Variants in CACNB4 observed in about 807,000 individuals in gnomAD.
CACNB4 encodes voltage-dependent L-type calcium channel subunit beta-4.
A neutral mutation model predicts 71.2 loss-of-function variants in CACNB4; 32 were observed. That is an observed-to-expected ratio of 0.45 (90% CI 0.34 to 0.60). The LOEUF is 0.60. CACNB4 is among the 20% of genes least tolerant of loss of function. The pLI, the probability that CACNB4 is intolerant of heterozygous loss-of-function variation, is 0.01. For synonymous variants in CACNB4, 231 were observed against 236.9 expected (o/e 0.97, Z 0.23); for missense variants, 464 against 647.9 (o/e 0.72, Z 3.08).
chr2:151,875,567 C>T (rs1466393482), intron 5 of CACNB4, among the ~76,000 whole-genome samples: 10 of 150,512 alleles, frequency 6.6e-5, no homozygotes, highest in Middle Eastern at 3.4e-3. Context: ...CCAGTAGGGG[C>T]GGCCGGGCAG....
intron 2 of CACNB4, among the ~76,000 whole-genome samples, chr2:152,026,350 A>T (rs1189328548): frequency 6.7e-6 from 1 of 149,612 alleles, no homozygotes; most frequent in Non-Finnish European, 1.5e-5. Flanking sequence ...ATTAATAAAA[A>T]CCCTCTCTGG....
At chr2:152,015,201 C>T (rs936086456) in intron 2 of CACNB4, among the ~76,000 whole-genome samples, 4 of 152,062 alleles carry the variant, frequency 2.6e-5, no homozygotes, top group Non-Finnish European at 5.9e-5. Context: ...GGCACGATCT[C>T]GGCTCACCGC....
intron 12 of CACNB4, among the ~76,000 whole-genome samples, chr2:151,844,049 C>T (rs1164873852): frequency 6.6e-6 from 1 of 152,102 alleles, no homozygotes; most frequent in Non-Finnish European, 1.5e-5. Context: ...GTAGAAAATT[C>T]CCCCCAACCA....
At position 151,845,865 on chromosome 2, in the gene CACNB4, C is replaced by CA. The variant is rs113596962; in HGVS notation, c.1117-3778dup. On this transcript the variant is annotated intron_variant, in intron 12 of 13. Coordinates refer to ENST00000539935, the MANE Select transcript of CACNB4 (RefSeq NM_000726.5). Reference sequence around the variant, plus strand: ...GAATAGGGGAATCAAAACAAACCATCAAAAAAATCAGGCACATTAGGCCCC... The same window carrying CA: ...GAATAGGGGAATCAAAACAAACCATCAAAAAAAATCAGGCACATTAGGCCCC... 6.7e-3 allele frequency among the ~76,000 whole-genome samples: 1,027 copies of CA among 152,194 alleles called. 12 individuals carry two copies. Among genetic ancestry groups the CA allele is most frequent in the African/African-American group, 0.023 (963 of 41,532 alleles).
At chr2:151,926,215 G>A (rs1488575592) in intron 2 of CACNB4, among the ~76,000 whole-genome samples, 1 of 152,158 alleles carries the variant, frequency 6.6e-6, no homozygotes, top group Non-Finnish European at 1.5e-5. Flanking sequence ...AATCAGTATA[G>A]GTATCTGAGA....
chr2:152,061,137 G>A (rs776363956), intron 2 of CACNB4, among the ~76,000 whole-genome samples: 51 of 151,982 alleles, frequency 3.4e-4, no homozygotes, highest in South Asian at 2.1e-4. Flanking sequence ...AGGAGATCCC[G>A]TCTCCACAAA....
intron 2 of CACNB4, among the ~76,000 whole-genome samples, chr2:152,080,697 T>G (rs1278553896): frequency 6.6e-6 from 1 of 152,156 alleles, no homozygotes; most frequent in Non-Finnish European, 1.5e-5. Flanking sequence ...TTTGGATGTT[T>G]TGTCCCCTCC....
chr2:151,998,077 C>T (rs1682166247), intron 2 of CACNB4, among the ~76,000 whole-genome samples: 1 of 152,074 alleles, frequency 6.6e-6, no homozygotes, highest in Non-Finnish European at 1.5e-5. Flanking sequence ...AATCCCAGCA[C>T]TTTGGGAGGC....
chr2:151,860,363 A>C, intron 10 of CACNB4: 1 of 281,848 alleles, frequency 3.5e-6, no homozygotes, highest in Non-Finnish European at 6.6e-6. Flanking sequence ...GTTTCCTTTT[A>C]TGTCAGCTGT....
At chr2:152,060,641 A>G (rs570975398) in intron 2 of CACNB4, among the ~76,000 whole-genome samples, 2 of 152,334 alleles carry the variant, frequency 1.3e-5, no homozygotes, top group Non-Finnish European at 2.9e-5. Context: ...AACTCTATAC[A>G]TTTATCATAA....
intron 2 of CACNB4, among the ~76,000 whole-genome samples, chr2:152,022,977 G>A (rs1349416095): frequency 2.0e-5 from 3 of 152,108 alleles, no homozygotes; most frequent in Admixed American, 2.0e-4. Flanking sequence ...ACCCAAGACT[G>A]GGTAATTTAT....
intron 4 of CACNB4, chr2:151,880,159 T>G (rs1022577666): frequency 6.6e-6 from 1 of 152,324 alleles, no homozygotes; most frequent in Non-Finnish European, 1.5e-5. Flanking sequence ...GGCCCTGAAG[T>G]GTCTGTGCCT....
Position 151,834,141 on chromosome 2 carries a change from CCAAGAACA to C in CACNB4, c.*4970_*4977del, listed in dbSNP as rs2099834383. 1 of 152,016 alleles carries C rather than the reference CCAAGAACA, an allele frequency of 6.6e-6. No individual in the cohort carries two copies. Among genetic ancestry groups the C allele is most frequent in the African/African-American group, 2.4e-5 (1 of 41,430 alleles). 9.4% of individuals were successfully genotyped at this position (152,016 alleles called of 1,614,324 possible). ...AGAAATTTAAGTGTTCAAAACATAA[CCAAGAACA>C]CTTATCAGGTATTGAAAAGCTAGAG... is the stretch of plus-strand genomic sequence containing the variant. On this transcript the variant is annotated 3_prime_UTR_variant, in exon 14 of 14. Coordinates refer to ENST00000539935, the MANE Select transcript of CACNB4 (RefSeq NM_000726.5).
At chr2:151,989,795 C>T (rs1356170388) in intron 2 of CACNB4, among the ~76,000 whole-genome samples, 1 of 152,192 alleles carries the variant, frequency 6.6e-6, no homozygotes, top group Non-Finnish European at 1.5e-5. Flanking sequence ...AGTGAACTCA[C>T]CTCCATCTCC....
chr2:151,867,724 C>T (rs970219374), intron 9 of CACNB4: 2 of 152,180 alleles, frequency 1.3e-5, no homozygotes, highest in Non-Finnish European at 2.9e-5. Flanking sequence ...TAAGTATGAC[C>T]ACATAACCAA....
At chr2:152,039,805 T>C (rs573516672) in intron 2 of CACNB4, among the ~76,000 whole-genome samples, 1 of 152,290 alleles carries the variant, frequency 6.6e-6, no homozygotes, top group Non-Finnish European at 1.5e-5. Context: ...AGAAACATAG[T>C]CGAAGGCATG....
At chr2:152,073,613 GA>G (rs1686823406) in intron 2 of CACNB4, among the ~76,000 whole-genome samples, 1 of 152,134 alleles carries the variant, frequency 6.6e-6, no homozygotes, top group African/African-American at 2.4e-5. Flanking sequence ...TAAGGGATTG[GA>G]AAACAGTGCA....
intron 2 of CACNB4, among the ~76,000 whole-genome samples, chr2:152,081,311 T>C (rs1004014195): frequency 6.6e-6 from 1 of 152,150 alleles, no homozygotes; most frequent in Non-Finnish European, 1.5e-5. Flanking sequence ...ACTTAAACAA[T>C]GTGAGTTTAT....
At chr2:152,026,457 T>C in intron 2 of CACNB4, among the ~76,000 whole-genome samples, 1 of 151,954 alleles carries the variant, frequency 6.6e-6, no homozygotes, top group Admixed American at 6.6e-5. Context: ...CCATCTCTGC[T>C]CACTGCAACC....
Sources: allele counts gnomAD v4.1 joint callset (sites outside exome capture counted in the v4.1 genomes callset), GRCh38; gene constraint gnomAD v4.1.1; transcripts MANE v1.5; gene names NCBI Gene and HGNC (gene_info 2026-07-23, HGNC 2026-07-21).